Variants in TNNI3 observed in about 807,000 individuals in gnomAD.
TNNI3 encodes the protein troponin I3, cardiac type, also known as troponin I, cardiac muscle.
Under a neutral mutation model 31.5 loss-of-function variants are expected in TNNI3, and 23 were observed. That is an observed-to-expected ratio of 0.73 (90% CI 0.52 to 1.03). The LOEUF is 1.03. TNNI3 is among the 50% of genes least tolerant of loss of function. The pLI, the probability that TNNI3 is intolerant of heterozygous loss-of-function variation, is 0.00. For missense variants in TNNI3, 236 were observed against 282.9 expected (o/e 0.83, Z 1.19); for synonymous variants, 120 against 111.7 (o/e 1.07, Z -0.47).
Position 55,151,925 on chromosome 19 carries a change from A to T in TNNI3, c.550-8T>A, listed in dbSNP as rs766762049. On this transcript the variant is annotated splice_polypyrimidine_tract_variant and splice_region_variant and intron_variant, in intron 7 of 7. Coordinates refer to ENST00000344887, the MANE Select transcript of TNNI3 (RefSeq NM_000363.5). Reference sequence around the variant, plus strand: ...TCCCACCTCCCGGTTTTCCTGGAGGATGGCGATGAGTCAGAGGTTAGGGTC... The same window carrying T: ...TCCCACCTCCCGGTTTTCCTGGAGGTTGGCGATGAGTCAGAGGTTAGGGTC... 3.1e-6 allele frequency: 5 copies of T among 1,613,548 alleles called. No individual in the cohort carries two copies. In the Admixed American group the frequency reaches 8.3e-5, roughly 27 times the overall value.
chr19:55,156,128 GAGC>G lies in TNNI3; in HGVS notation c.282+70_282+72del. 6.2e-7 allele frequency: 1 copy of G among 1,610,042 alleles called. No individual in the cohort carries two copies. Among genetic ancestry groups the G allele is most frequent in the Non-Finnish European group, 8.5e-7 (1 of 1,177,824 alleles). ...CAGCCATATTGGACGCCTGGGTCCC[GAGC>G]AGAAGAGGGGATAGAGGCTGTACTG... On this transcript the variant is annotated intron_variant, in intron 5 of 7. Coordinates refer to ENST00000344887, the MANE Select transcript of TNNI3 (RefSeq NM_000363.5). The surrounding 1 kb of genome is among the most constrained non-coding windows in gnomAD (Gnocchi z 4.6).
At chr19:55,154,695 C>T (rs2085715662) in intron 6 of TNNI3, 46 bp downstream of exon 6, 4 of 1,557,840 alleles carry the variant, frequency 2.6e-6, no homozygotes, top group South Asian at 2.2e-5. Context: ...AAGTCCCAGC[C>T]ATCTCACCCT....
Position 55,156,737 on chromosome 19 carries a change from C to T in TNNI3, c.109-93G>A, listed in dbSNP as rs545478703. 3 of 1,433,546 alleles carry T rather than the reference C, an allele frequency of 2.1e-6. No individual in the cohort carries two copies. The highest frequency in any genetic ancestry group is 2.9e-6 in the Non-Finnish European group (3 of 1,040,108). 88.8% of individuals were successfully genotyped at this position (1,433,546 alleles called of 1,614,324 possible). A position where few individuals can be genotyped will look rare whatever the true frequency, so the allele number is the denominator to read the frequency against. ...TCAAGACACCCCCAGCAAACCCAGC[C>T]GGTCCAGATTTGGGCCCACGTCCAA... On this transcript the variant is annotated intron_variant, in intron 3 of 7. Coordinates refer to ENST00000344887, the MANE Select transcript of TNNI3 (RefSeq NM_000363.5). This position sits in a 1 kb window ranked among gnomAD's most constrained non-coding sequence, Gnocchi z 4.6.
In TNNI3 at chr19:55,156,151, G is replaced by A; in HGVS notation, c.282+50C>T. The A allele has an allele frequency of 6.2e-7, 1 of 1,612,466 alleles. No homozygotes were observed. The highest frequency in any genetic ancestry group is 1.1e-5 in the South Asian group (1 of 91,056). On this transcript the variant is annotated intron_variant, in intron 5 of 7. Transcript: ENST00000344887. The surrounding 1 kb of genome is among the most constrained non-coding windows in gnomAD (Gnocchi z 4.6). ...CCGAGCAGAAGAGGGGATAGAGGCT[G>A]TACTGCTGAATTCCGGGACTAGAAA...
rs1464747073 is a variant in TNNI3 at position 55,156,672 on chromosome 19, G to T, written c.109-28C>A. ...GCCAGGGTGAGATGGAGCAAGGAAG[G>T]ATCATGGAGGGGGATTCGGAGACGA... On this transcript the variant is annotated intron_variant, in intron 3 of 7. Coordinates refer to ENST00000344887, the MANE Select transcript of TNNI3 (RefSeq NM_000363.5). The surrounding 1 kb of genome is among the most constrained non-coding windows in gnomAD (Gnocchi z 4.6). The T allele has an allele frequency of 1.3e-6, 2 of 1,558,812 alleles. No homozygotes were observed. Among genetic ancestry groups the T allele is most frequent in the East Asian group, 2.4e-5 (1 of 41,880 alleles).
rs1041043138 is a variant in TNNI3, at chr19:55,156,548, C to T, written c.150+55G>A. ...CTACCCCGAAAGCCCCACCCATTCT[C>T]AAGCTCCGCCCCCTGAGCACCTGCC... On this transcript the variant is annotated intron_variant, in intron 4 of 7. Coordinates refer to ENST00000344887, the MANE Select transcript of TNNI3 (RefSeq NM_000363.5). This position sits in a 1 kb window ranked among gnomAD's most constrained non-coding sequence, Gnocchi z 4.6. 1.3e-6 allele frequency: 2 copies of T among 1,548,976 alleles called. No homozygotes were observed. Among genetic ancestry groups the T allele is most frequent in the Admixed American group, 2.0e-5 (1 of 51,066 alleles).
chr19:55,152,786 CAGCTAACTTT>C lies in TNNI3; in HGVS notation c.550-879_550-870del, dbSNP rs1484506393. On this transcript the variant is annotated intron_variant, in intron 7 of 7. Transcript: ENST00000344887. This position sits in a 1 kb window ranked among gnomAD's most constrained non-coding sequence, Gnocchi z 4.0. ...GACCACAGGTGTGTGCCACCATGCCCAGCTAACTTTTGTTCTGTTTTGTTTTGTTTTGAGA... is the reference window on the plus strand; with the variant it reads ...GACCACAGGTGTGTGCCACCATGCCCTGTTCTGTTTTGTTTTGTTTTGAGA... Among the ~76,000 whole-genome samples, 1 of 152,068 alleles carries C rather than the reference CAGCTAACTTT, an allele frequency of 6.6e-6. No individual in the cohort carries two copies. Among genetic ancestry groups the C allele is most frequent in the Non-Finnish European group, 1.5e-5 (1 of 68,012 alleles).
intron 7 of TNNI3, among the ~76,000 whole-genome samples, chr19:55,153,616 G>A (rs1428323512): frequency 6.6e-6 from 1 of 151,526 alleles, no homozygotes; most frequent in East Asian, 1.9e-4. Context: ...GCTGAGGCAT[G>A]AGAATCACTT....
rs772524690 is a variant in TNNI3, at chr19:55,156,756, C to G, written c.109-112G>C. ...CCCAGCCGGTCCAGATTTGGGCCCA[C>G]GTCCAACTTGAGCCCTGAGTCTACG... On this transcript the variant is annotated intron_variant, in intron 3 of 7. Coordinates refer to ENST00000344887, the MANE Select transcript of TNNI3 (RefSeq NM_000363.5). The surrounding 1 kb of genome is among the most constrained non-coding windows in gnomAD (Gnocchi z 4.6). 8 of 1,246,500 alleles carry G rather than the reference C, an allele frequency of 6.4e-6. No homozygotes were observed. The Admixed American group carries it at 7.9e-5, about 12-fold the overall frequency. The allele number at this position is 1,246,500 out of a possible 1,614,324, so 77.2% of individuals were successfully genotyped here.
chr19:55,151,999 G>GGAGGGAAGAC, intron 7 of TNNI3, 82 bp from the exon 8 acceptor site: 1 of 1,293,274 alleles, frequency 7.7e-7, no homozygotes, highest in Non-Finnish European at 1.1e-6. Flanking sequence ...CCTCCAGCCT[G>GGAGGGAAGAC]TGGGGCCACT....
At position 55,157,658 on chromosome 19, in the gene TNNI3, G is replaced by T; in HGVS notation, c.-69C>A. 6.3e-7 allele frequency: 1 copy of T among 1,598,102 alleles called. No homozygotes were observed. Among genetic ancestry groups the T allele is most frequent in the Non-Finnish European group, 8.6e-7 (1 of 1,167,960 alleles). Reference sequence around the variant, plus strand: ...GGGGCGTTTGGAGGGTCAGTGAGGGGGCCGCCCGGGTGACCTTCAGGGTCC... The same window carrying T: ...GGGGCGTTTGGAGGGTCAGTGAGGGTGCCGCCCGGGTGACCTTCAGGGTCC... On this transcript the variant is annotated 5_prime_UTR_variant, in exon 1 of 8. Coordinates refer to ENST00000344887, the MANE Select transcript of TNNI3 (RefSeq NM_000363.5). This position sits in a 1 kb window ranked among gnomAD's most constrained non-coding sequence, Gnocchi z 6.3.
intron 7 of TNNI3, 25 bp downstream of exon 7, chr19:55,154,005 T>A: frequency 2.5e-6 from 4 of 1,610,498 alleles, no homozygotes; most frequent in Non-Finnish European, 3.4e-6. Flanking sequence ...CAGCATCCTC[T>A]TTCCTGGCCT....
rs528126692 is a variant in TNNI3 at position 55,156,511 on chromosome 19, A to G, written c.150+92T>C. ...CGCCCCGAGCGGCCAAACCCCGCCCACTTCCGCCCACCTACCCCGAAAGCC... is the reference window on the plus strand; with the variant it reads ...CGCCCCGAGCGGCCAAACCCCGCCCGCTTCCGCCCACCTACCCCGAAAGCC... On this transcript the variant is annotated intron_variant, in intron 4 of 7. Transcript: ENST00000344887. This position sits in a 1 kb window ranked among gnomAD's most constrained non-coding sequence, Gnocchi z 4.6. 4.8e-6 allele frequency: 7 copies of G among 1,460,708 alleles called. No individual in the cohort carries two copies. In the African/African-American group the frequency reaches 9.2e-5, roughly 19 times the overall value. The allele number at this position is 1,460,708 out of a possible 1,614,324, so 90.5% of individuals were successfully genotyped here. A position where few individuals can be genotyped will look rare whatever the true frequency, so the allele number is the denominator to read the frequency against.
rs77615401 is a variant in TNNI3, at chr19:55,156,239, G to A, written c.244C>T (p.Pro82Ser). 1,871 of 1,612,562 alleles carry A rather than the reference G, an allele frequency of 1.2e-3. 29 individuals are homozygous for A. The African/African-American group carries it at 0.022, about 19-fold the overall frequency. The change falls in exon 5 of 8, where the codon CCG becomes TCG. Residue 82 changes from proline to serine, a missense_variant. Around this residue, in one of 4 missense-constraint regions of TNNI3, gnomAD observed 172 missense variants for 171.8 expected, o/e 1.00. Transcript: ENST00000344887. The surrounding 1 kb of genome is among the most constrained non-coding windows in gnomAD (Gnocchi z 4.6). ...KGRALSTRCQ[P>S]LELAGLGFAE... ...AAGCCCAGCCCGGCCAACTCCAGCG[G>A]CTGGCAGCGGGTGCTCAGAGCGCGC...
At position 55,156,188 on chromosome 19, in the gene TNNI3, T is replaced by C; in HGVS notation, c.282+13A>G. 6.2e-7 allele frequency: 1 copy of C among 1,612,674 alleles called. No homozygotes were observed. Among genetic ancestry groups the C allele is most frequent in the Non-Finnish European group, 8.5e-7 (1 of 1,179,814 alleles). On this transcript the variant is annotated intron_variant, in intron 5 of 7. Coordinates refer to ENST00000344887, the MANE Select transcript of TNNI3 (RefSeq NM_000363.5). This position sits in a 1 kb window ranked among gnomAD's most constrained non-coding sequence, Gnocchi z 4.6. ...TCCGGGACTAGAAACCTCGCATCCT[T>C]GGGAGCCGGTACCTGCAGCTCCGCG...
chr19:55,154,109 G>A lies in TNNI3; in HGVS notation c.470C>T (p.Ala157Val), dbSNP rs397516353. 5 of 1,613,048 alleles carry A rather than the reference G, an allele frequency of 3.1e-6. No homozygotes were observed. The highest frequency in any genetic ancestry group is 2.2e-5 in the East Asian group (1 of 44,860). ...VRISADAMMQ[A>V]LLGARAKESL... The stretch of plus-strand genomic sequence containing the variant: ...CTCCTTAGCCCGGGCCCCCAGCAGC[G>A]CCTGCATCATGGCATCTGCAGAGAT... The change falls in exon 7 of 8, where the codon GCG becomes GTG. Residue 157 changes from alanine (A) to valine (V), a missense_variant. Ala to Val is a moderately conservative substitution (Grantham distance 64, BLOSUM62 0). Transcript: ENST00000344887.
Position 55,157,146 on chromosome 19 carries a change from G to A in TNNI3, c.25-13C>T. ...GAGGTTCCCTAGCCTGGGTTAGGAG[G>A]AGTGGGGACCCCATCACCACCAAGA... is the stretch of plus-strand genomic sequence containing the variant. On this transcript the variant is annotated splice_polypyrimidine_tract_variant and intron_variant, in intron 2 of 7. Transcript: ENST00000344887. This position sits in a 1 kb window ranked among gnomAD's most constrained non-coding sequence, Gnocchi z 6.3. The A allele has an allele frequency of 1.9e-6, 3 of 1,595,398 alleles. No homozygotes were observed. Among genetic ancestry groups the A allele is most frequent in the Non-Finnish European group, 2.6e-6 (3 of 1,172,872 alleles).
In TNNI3 at chr19:55,156,434, C is replaced by T; in HGVS notation, c.151-102G>A. On this transcript the variant is annotated intron_variant, in intron 4 of 7. Coordinates refer to ENST00000344887, the MANE Select transcript of TNNI3 (RefSeq NM_000363.5). The surrounding 1 kb of genome is among the most constrained non-coding windows in gnomAD (Gnocchi z 4.6). ...CCTTCTAAACCCTCCAGTTTGGTCT[C>T]CACTGTTCCAAGGCCCCGTCCCACC... is the stretch of plus-strand genomic sequence containing the variant. The T allele has an allele frequency of 6.6e-7, 1 of 1,521,258 alleles. No homozygotes were observed. Among genetic ancestry groups the T allele is most frequent in the Non-Finnish European group, 8.9e-7 (1 of 1,128,800 alleles). 94.2% of individuals were successfully genotyped at this position (1,521,258 alleles called of 1,614,324 possible). A position where few individuals can be genotyped will look rare whatever the true frequency, so the allele number is the denominator to read the frequency against.
Position 55,152,024 on chromosome 19 carries a change from T to G in TNNI3, c.550-107A>C. 1 of 981,632 alleles carries G rather than the reference T, an allele frequency of 1.0e-6. No homozygotes were observed. Among genetic ancestry groups the G allele is most frequent in the Non-Finnish European group, 1.6e-6 (1 of 624,264 alleles). 60.8% of individuals were successfully genotyped at this position (981,632 alleles called of 1,614,324 possible). A position where few individuals can be genotyped will look rare whatever the true frequency, so the allele number is the denominator to read the frequency against. ...GTGGGGCCACTCTACCCTGGATGCC[T>G]AAGTATCTAGTTCTGGAGCACTTCC... On this transcript the variant is annotated intron_variant, in intron 7 of 7. Transcript: ENST00000344887. The surrounding 1 kb of genome is among the most constrained non-coding windows in gnomAD (Gnocchi z 4.0).
Sources: allele counts gnomAD v4.1 joint callset (sites outside exome capture counted in the v4.1 genomes callset), GRCh38; gene constraint gnomAD v4.1.1; regional missense constraint gnomAD v4.1.1; non-coding constraint Gnocchi (gnomAD v3.1); transcripts MANE v1.5; gene names NCBI Gene and HGNC (gene_info 2026-07-23, HGNC 2026-07-21).